The following SEMA6A variants were observed in gnomAD, a reference collection of about 807,000 sequenced individuals.
SEMA6A encodes semaphorin 6A.
A neutral mutation model predicts 96.8 loss-of-function variants in SEMA6A; 25 were observed. The observed-to-expected ratio is 0.26, with a 90% CI of 0.19 to 0.36. The LOEUF is 0.36. Ranked by LOEUF, SEMA6A falls within the 10% of genes least tolerant of loss-of-function variation. The pLI is 1.00. For missense variants in SEMA6A, 1,363 were observed against 1,323.1 expected (o/e 1.03, Z -0.47); for synonymous variants, 612 against 518.0 (o/e 1.18, Z -2.46).
chr5:116,488,055 T>C, intron 9 of SEMA6A, 53 bp downstream of exon 9: 1 of 1,149,264 alleles, frequency 8.7e-7, no homozygotes, highest in South Asian at 1.3e-5. Flanking sequence ...TGACCAAAGG[T>C]GTGGGTTTCT....
At chr5:116,535,704 A>G (rs1352857491) in intron 1 of SEMA6A, among the ~76,000 whole-genome samples, 1 of 152,222 alleles carries the variant, frequency 6.6e-6, no homozygotes, top group East Asian at 1.9e-4. Flanking sequence ...ACAAATGTCC[A>G]GCTATTATAT....
chr5:116,573,377 G>A (rs1237456919), intron 1 of SEMA6A, among the ~76,000 whole-genome samples: 3 of 151,784 alleles, frequency 2.0e-5, no homozygotes, highest in East Asian at 2.0e-4. Context: ...CCGGTGCAAA[G>A]GGCTCGGTGC....
intron 1 of SEMA6A, among the ~76,000 whole-genome samples, chr5:116,571,136 TAAA>T (rs1298885207): frequency 2.0e-5 from 3 of 151,868 alleles, no homozygotes; most frequent in Admixed American, 1.3e-4. Context: ...GTAGGGAAAA[TAAA>T]GAAGTCCACT....
chr5:116,465,168 C>A (rs1755651925), intron 18 of SEMA6A, among the ~76,000 whole-genome samples: 1 of 152,058 alleles, frequency 6.6e-6, no homozygotes, highest in South Asian at 2.1e-4. Context: ...AAGGCACCGA[C>A]ATCAGGGAAT....
chr5:116,469,426 A>T (rs982369554), intron 17 of SEMA6A: 1 of 151,888 alleles, frequency 6.6e-6, no homozygotes, highest in African/African-American at 2.4e-5. Flanking sequence ...TTCAGCTTAC[A>T]TTGAGGTCTA....
chr5:116,508,959 T>C (rs1281046582), intron 1 of SEMA6A, among the ~76,000 whole-genome samples: 1 of 152,220 alleles, frequency 6.6e-6, no homozygotes, highest in Non-Finnish European at 1.5e-5. Context: ...TGAGCAGCCT[T>C]AGCAAGTGGA....
chr5:116,528,512 G>T (rs1057228059), intron 1 of SEMA6A, among the ~76,000 whole-genome samples: 1 of 152,116 alleles, frequency 6.6e-6, no homozygotes, highest in African/African-American at 2.4e-5. Context: ...CTGACTAGGC[G>T]CTCAAATATC....
chr5:116,501,466 G>A (rs544899267), intron 3 of SEMA6A, among the ~76,000 whole-genome samples: 1 of 152,100 alleles, frequency 6.6e-6, no homozygotes, highest in East Asian at 1.9e-4. Flanking sequence ...TGTCATTGCC[G>A]TTCTTTCAAA....
At chr5:116,570,871 T>C (rs1448958110) in intron 1 of SEMA6A, among the ~76,000 whole-genome samples, 3 of 152,258 alleles carry the variant, frequency 2.0e-5, no homozygotes, top group East Asian at 3.8e-4. Context: ...TTAATTTGGA[T>C]GCCTCATTTT....
chr5:116,488,932 C>A lies in SEMA6A; in HGVS notation c.611G>T (p.Ser204Ile). 1 of 1,589,488 alleles carries A rather than the reference C, an allele frequency of 6.3e-7. No individual in the cohort carries two copies. The highest frequency in any genetic ancestry group is 8.6e-7 in the Non-Finnish European group (1 of 1,166,914). Residue 204 changes from serine (S) to isoleucine (I), a missense_variant, in exon 8 of 19, where the codon AGC becomes ATC. Ser to Ile is a moderately radical substitution (Grantham distance 142). Coordinates refer to ENST00000343348, the MANE Select transcript of SEMA6A (RefSeq NM_020796.5). The stretch of plus-strand genomic sequence containing the variant: ...GTGCTTGACGGTCCGCAGGGTAGGG[C>A]TTTCTCCAAGACTCCGGTAAATGAC... ...DAVIYRSLGE[S>I]PTLRTVKHDS...
At chr5:116,560,912 A>T (rs1760796601) in intron 1 of SEMA6A, among the ~76,000 whole-genome samples, 3 of 152,196 alleles carry the variant, frequency 2.0e-5, no homozygotes, top group Non-Finnish European at 4.4e-5. Context: ...GCTACTTCTA[A>T]ACTTGTTCTA....
chr5:116,467,458 C>A, intron 18 of SEMA6A, 125 bp downstream of exon 18: 1 of 920,914 alleles, frequency 1.1e-6, no homozygotes, highest in East Asian at 2.8e-5. Context: ...TTTCGAGAAA[C>A]TTTCAATCAT....
intron 7 of SEMA6A, among the ~76,000 whole-genome samples, chr5:116,489,899 C>G (rs1354431091): frequency 6.6e-6 from 1 of 152,110 alleles, no homozygotes; most frequent in Admixed American, 6.5e-5. Context: ...TACATGGAAA[C>G]AAGAATTATA....
intron 1 of SEMA6A, chr5:116,536,450 T>TC (rs1759714306): frequency 6.6e-6 from 1 of 152,266 alleles, no homozygotes; most frequent in East Asian, 1.9e-4. Flanking sequence ...GTCCACACAG[T>TC]AACGCATTGC....
chr5:116,470,015 C>A (rs1260071615), intron 17 of SEMA6A, among the ~76,000 whole-genome samples: 1 of 152,132 alleles, frequency 6.6e-6, no homozygotes, highest in Non-Finnish European at 1.5e-5. Flanking sequence ...AAAAACTGAG[C>A]AGCATGAGGT....
At chr5:116,475,410 TAGA>T in intron 16 of SEMA6A, 132 bp downstream of exon 16, 1 of 554,564 alleles carries the variant, frequency 1.8e-6, no homozygotes. Context: ...GTTTGGTATT[TAGA>T]AGATGATTTC....
rs1324265963 is a variant in SEMA6A, at chr5:116,446,755, G to A, written c.2951C>T (p.Ser984Leu). ...SQPSGQAVTV[S>L]RQPSLNAYNS... ...GTAGGCGTTGAGGCTGGGCTGCCTC[G>A]AGACAGTCACGGCCTGGCCAGATGG... The change falls in exon 19 of 19, where the codon TCG (serine) becomes TTG (leucine). Residue 984 changes from serine (S) to leucine (L), a missense_variant. Coordinates refer to ENST00000343348, the MANE Select transcript of SEMA6A (RefSeq NM_020796.5). 1.2e-5 allele frequency: 19 copies of A among 1,609,086 alleles called. No individual in the cohort carries two copies. Among genetic ancestry groups the A allele is most frequent in the Admixed American group, 1.7e-5 (1 of 59,150 alleles).
At chr5:116,539,800 T>G (rs1759884038) in intron 1 of SEMA6A, among the ~76,000 whole-genome samples, 1 of 152,212 alleles carries the variant, frequency 6.6e-6, no homozygotes, top group Admixed American at 6.5e-5. Flanking sequence ...AATTATTATT[T>G]TACTTCTGGC....
intron 9 of SEMA6A, among the ~76,000 whole-genome samples, chr5:116,487,739 C>T (rs1757130902): frequency 6.6e-6 from 1 of 152,104 alleles, no homozygotes; most frequent in African/African-American, 2.4e-5. Context: ...TGGCGCATGC[C>T]TGTAATCCCA....
Sources: gnomAD v4.1 joint callset for allele counts (sites outside exome capture counted in the v4.1 genomes callset) on GRCh38, gnomAD v4.1.1 for gene constraint, MANE v1.5 for transcripts, NCBI Gene and HGNC (gene_info 2026-07-23, HGNC 2026-07-21) for gene names.